Variants in TRAPPC9 observed in about 807,000 individuals in gnomAD.
The protein encoded by TRAPPC9 is trafficking protein particle complex subunit 9, also known as IKK2 binding protein.
In TRAPPC9, 83 loss-of-function variants were observed where a neutral mutation model predicts 124.0. That is an observed-to-expected ratio of 0.67 (90% CI 0.56 to 0.80). TRAPPC9 has a LOEUF of 0.80. TRAPPC9 is among the 30% of genes least tolerant of loss of function. TRAPPC9 has a pLI of 0.00. For synonymous variants in TRAPPC9, 638 were observed against 617.5 expected, an observed-to-expected ratio of 1.03 and a Z score of -0.49; for missense variants, 1,302 against 1,508.3, an observed-to-expected ratio of 0.86 and a Z score of 2.27.
chr8:139,732,331 A>G, intron 21 of TRAPPC9, 129 bp from the exon 22 acceptor site: 1 of 856,086 alleles, frequency 1.2e-6, no homozygotes, highest in Non-Finnish European at 1.8e-6. Context: ...ACTCCCTGCC[A>G]GGCTGGACAC....
In TRAPPC9 at chr8:139,737,476, C is replaced by A. The variant is rs887602824; in HGVS notation, c.3056-5274G>T. The stretch of plus-strand genomic sequence containing the variant: ...GGGGGTCATCAGCCCTCCCCCCCCC[C>A]CCACGGAAAACCCTGAGTCTGGTGT... On this transcript the variant is annotated intron_variant, in intron 21 of 22. Transcript: ENST00000438773. Among the ~76,000 whole-genome samples the A allele has an allele frequency of 1.5e-4, 19 of 129,764 alleles. 5 individuals are homozygous for A. The highest frequency in any genetic ancestry group is 5.3e-4 in the African/African-American group (19 of 35,544). 85.1% of individuals were successfully genotyped at this position (129,764 alleles called of 152,430 possible). A position where few individuals can be genotyped will look rare whatever the true frequency, so the allele number is the denominator to read the frequency against.
At chr8:139,759,263 C>A (rs1820064326) in intron 21 of TRAPPC9, among the ~76,000 whole-genome samples, 1 of 152,184 alleles carries the variant, frequency 6.6e-6, no homozygotes, top group Non-Finnish European at 1.5e-5. Flanking sequence ...AAAGGGAAGG[C>A]AAAGCCGGAA....
chr8:139,849,157 G>A (rs550044395), intron 21 of TRAPPC9, among the ~76,000 whole-genome samples: 17 of 152,278 alleles, frequency 1.1e-4, no homozygotes, highest in East Asian at 9.6e-4. Context: ...TTGAGCCTTC[G>A]TCTAGGATAC....
At chr8:139,848,063 T>C (rs1827213870) in intron 21 of TRAPPC9, among the ~76,000 whole-genome samples, 1 of 152,218 alleles carries the variant, frequency 6.6e-6, no homozygotes, top group African/African-American at 2.4e-5. Flanking sequence ...GCCTCTTTCC[T>C]TGGACAAATC....
rs907988292 is a variant in TRAPPC9, at chr8:139,729,259, C to T, written c.*1802G>A. 6.6e-6 allele frequency among the ~76,000 whole-genome samples: 1 copy of T among 152,238 alleles called. No individual in the cohort carries two copies. Among genetic ancestry groups the T allele is most frequent in the Admixed American group, 6.5e-5 (1 of 15,286 alleles). ...TTATAATTTGGGGGGACATTGTCTA[C>T]ACAAGTGAGGTTGGGCTGAGCCCAT... is the stretch of plus-strand genomic sequence containing the variant. On this transcript the variant is annotated 3_prime_UTR_variant, in exon 23 of 23. Coordinates refer to ENST00000438773, the MANE Select transcript of TRAPPC9 (RefSeq NM_001160372.4).
At chr8:140,206,977 C>T (rs2062936808) in intron 17 of TRAPPC9, among the ~76,000 whole-genome samples, 1 of 152,126 alleles carries the variant, frequency 6.6e-6, no homozygotes, top group Non-Finnish European at 1.5e-5. Flanking sequence ...GCACTTCTGC[C>T]TTCACGGAGC....
intron 17 of TRAPPC9, among the ~76,000 whole-genome samples, chr8:140,080,960 G>A (rs995785573): frequency 1.1e-4 from 16 of 152,202 alleles, no homozygotes; most frequent in Non-Finnish European, 2.2e-4. Context: ...TGGTGAGGAA[G>A]GTGTTGCCAT....
chr8:140,252,830 T>C lies in TRAPPC9; in HGVS notation c.2378A>G (p.Lys793Arg), dbSNP rs761592817. ...GKVATFTINI[K>R]VKLDFSCQEN... ...CTGGCAGGAGAAATCCAGCTTCACT[T>C]TGATGTTGATTGTGAACGTGGCCAC... is the stretch of plus-strand genomic sequence containing the variant. The change falls in exon 16 of 23, where the codon AAA becomes AGA. Residue 793 changes from lysine (K) to arginine (R), a missense_variant. Lys to Arg is a conservative substitution (Grantham distance 26). Coordinates refer to ENST00000438773, the MANE Select transcript of TRAPPC9 (RefSeq NM_001160372.4). The surrounding 1 kb of genome is among the most constrained non-coding windows in gnomAD (Gnocchi z 4.2). The C allele has an allele frequency of 4.3e-6, 7 of 1,613,984 alleles. No homozygotes were observed. In the South Asian group the frequency reaches 6.6e-5, roughly 15 times the overall value.
intron 17 of TRAPPC9, among the ~76,000 whole-genome samples, chr8:140,215,434 G>A (rs957756732): frequency 2.0e-5 from 3 of 151,990 alleles, no homozygotes; most frequent in African/African-American, 4.8e-5. Flanking sequence ...CCTGAGCTCC[G>A]GAGTTCGGGA....
At chr8:140,455,155 T>G (rs13248645) in intron 1 of TRAPPC9, among the ~76,000 whole-genome samples, 1 of 151,650 alleles carries the variant, frequency 6.6e-6, no homozygotes, top group Non-Finnish European at 1.5e-5. Flanking sequence ...TTTTCTGAGA[T>G]GGAGTTTCGC....
At chr8:139,947,368 G>A (rs1437537814) in intron 19 of TRAPPC9, among the ~76,000 whole-genome samples, 2 of 152,172 alleles carry the variant, frequency 1.3e-5, no homozygotes, top group Non-Finnish European at 2.9e-5. Context: ...TGCAGGAAAA[G>A]CAATGCTGTA....
At chr8:140,212,851 C>A (rs1173715636) in intron 17 of TRAPPC9, among the ~76,000 whole-genome samples, 1 of 151,610 alleles carries the variant, frequency 6.6e-6, no homozygotes, top group Non-Finnish European at 1.5e-5. Context: ...GAGGCCGAGG[C>A]AGGCAGATCA....
intron 17 of TRAPPC9, among the ~76,000 whole-genome samples, chr8:140,191,169 T>C (rs1221708169): frequency 3.3e-5 from 5 of 152,206 alleles, no homozygotes; most frequent in African/African-American, 4.8e-5. Context: ...CTAACTCTTA[T>C]TGAGGGCCGA....
intron 21 of TRAPPC9, among the ~76,000 whole-genome samples, chr8:139,844,282 C>T (rs1398638580): frequency 6.6e-6 from 1 of 152,224 alleles, no homozygotes; most frequent in African/African-American, 2.4e-5. Flanking sequence ...GAGACCACAC[C>T]CGGCTGTTGT....
Position 140,202,851 on chromosome 8 carries a change from C to T in TRAPPC9, c.2556+18608G>A, listed in dbSNP as rs1462324738. Among the ~76,000 whole-genome samples the T allele has an allele frequency of 2.6e-5, 4 of 152,176 alleles. No homozygotes were observed. In the East Asian group the frequency reaches 5.8e-4, roughly 22 times the overall value. ...TGAAGTATTCTAGGCAAAAATGTTT[C>T]GTGTGAATTCATCAAGACTTTGCAT... On this transcript the variant is annotated intron_variant, in intron 17 of 22. Transcript: ENST00000438773.
At chr8:140,033,658 G>GTTTTTTGT (rs1563706552) in intron 17 of TRAPPC9, among the ~76,000 whole-genome samples, 6 of 42,396 alleles carry the variant, frequency 1.4e-4, no homozygotes, top group Non-Finnish European at 2.8e-4. Context: ...TCATAATGTG[G>GTTTTTTGT]TTTTTTTTTT....
intron 21 of TRAPPC9, among the ~76,000 whole-genome samples, chr8:139,869,273 G>C (rs1828741157): frequency 6.6e-6 from 1 of 152,140 alleles, no homozygotes. Flanking sequence ...CAAACAAAAA[G>C]AAGGCAGGGG....
At chr8:140,228,130 T>C (rs2063498388) in intron 16 of TRAPPC9, among the ~76,000 whole-genome samples, 1 of 152,226 alleles carries the variant, frequency 6.6e-6, no homozygotes, top group East Asian at 1.9e-4. Flanking sequence ...TCCATTTTGG[T>C]ACACTTTCAA....
intron 17 of TRAPPC9, among the ~76,000 whole-genome samples, chr8:140,092,740 C>T (rs1315773685): frequency 6.6e-6 from 1 of 152,194 alleles, no homozygotes; most frequent in East Asian, 1.9e-4. Flanking sequence ...ACGTGATCAT[C>T]TCTGGGTGCT....
Sources: gnomAD v4.1 joint callset for allele counts (sites outside exome capture counted in the v4.1 genomes callset) on GRCh38, gnomAD v4.1.1 for gene constraint, Gnocchi (gnomAD v3.1) non-coding constraint, MANE v1.5 for transcripts, NCBI Gene and HGNC (gene_info 2026-07-23, HGNC 2026-07-21) for gene names.